Variants in EPB41L4B observed in about 807,000 individuals in gnomAD.
The protein encoded by EPB41L4B is band 4.1-like protein 4B.
In EPB41L4B, 30 loss-of-function variants were observed where a neutral mutation model predicts 112.5. The observed-to-expected ratio is 0.27, with a 90% CI of 0.20 to 0.36. The LOEUF (loss-of-function observed/expected upper bound fraction) is 0.36. Among genes scored for constraint, EPB41L4B ranks in the 10% least tolerant of loss-of-function variants. The pLI, the probability that EPB41L4B is intolerant of heterozygous loss-of-function variation, is 1.00. For missense variants in EPB41L4B, 1,024 were observed against 1,133.3 expected (o/e 0.90, Z 1.38); for synonymous variants, 408 against 439.7 (o/e 0.93, Z 0.90).
chr9:109,267,707 T>C (rs1212152766), intron 3 of EPB41L4B, among the ~76,000 whole-genome samples, 156 bp from the exon 4 acceptor site: 1 of 152,224 alleles, frequency 6.6e-6, no homozygotes, highest in Admixed American at 6.5e-5. Context: ...TTTTCAGTCC[T>C]CATCAGGGAA....
chr9:109,243,805 ACC>A (rs1834440575), intron 14 of EPB41L4B, 123 bp from the exon 15 acceptor site: 1 of 899,432 alleles, frequency 1.1e-6, no homozygotes, highest in Admixed American at 2.1e-5. Context: ...AAGGCTATAG[ACC>A]CTGGCTAGGG....
At chr9:109,239,901 T>A (rs1834294413) in intron 15 of EPB41L4B, 1 of 985,368 alleles carries the variant, frequency 1.0e-6, no homozygotes, top group Non-Finnish European at 1.2e-6. Context: ...CACTTCTCTC[T>A]ACTCAGCACC....
intron 22 of EPB41L4B, among the ~76,000 whole-genome samples, chr9:109,191,298 C>G (rs1832452335): frequency 6.6e-6 from 1 of 152,182 alleles, no homozygotes. Flanking sequence ...TCAAAGGATG[C>G]TTTATCCTGA....
intron 15 of EPB41L4B, chr9:109,241,084 T>G (rs1479199475): frequency 1.0e-6 from 1 of 985,534 alleles, no homozygotes; most frequent in Non-Finnish European, 1.2e-6. Context: ...TATTGCAGTT[T>G]TCCTTGTGAT....
chr9:109,262,574 T>C (rs1835252507), intron 6 of EPB41L4B, among the ~76,000 whole-genome samples: 1 of 152,024 alleles, frequency 6.6e-6, no homozygotes, highest in African/African-American at 2.4e-5. Context: ...CTCTGATCCC[T>C]TCTCCCCATA....
At chr9:109,218,435 T>C (rs1396418284) in intron 15 of EPB41L4B, among the ~76,000 whole-genome samples, 1 of 152,122 alleles carries the variant, frequency 6.6e-6, no homozygotes, top group Non-Finnish European at 1.5e-5. Flanking sequence ...CTAACACTAA[T>C]AATTCTTAAC....
chr9:109,248,027 A>C (rs796545887), intron 13 of EPB41L4B, among the ~76,000 whole-genome samples: 13 of 152,360 alleles, frequency 8.5e-5, no homozygotes, highest in African/African-American at 3.1e-4. Flanking sequence ...AAACAGTAGG[A>C]AATATTCCAG....
At chr9:109,187,268 G>A (rs538432266) in intron 22 of EPB41L4B, among the ~76,000 whole-genome samples, 2 of 152,164 alleles carry the variant, frequency 1.3e-5, no homozygotes, top group African/African-American at 2.4e-5. Flanking sequence ...CCTCTTTTCC[G>A]TCTCCAAAGT....
At chr9:109,239,936 C>G (rs773332769) in intron 15 of EPB41L4B, 3 of 985,394 alleles carry the variant, frequency 3.0e-6, no homozygotes, top group Non-Finnish European at 3.6e-6. Context: ...CAACCTTCAC[C>G]AGAGTTGCCC....
At chr9:109,199,396 CG>C (rs1488418050) in intron 20 of EPB41L4B, among the ~76,000 whole-genome samples, 1 of 152,042 alleles carries the variant, frequency 6.6e-6, no homozygotes, top group Non-Finnish European at 1.5e-5. Context: ...GGGCCAGGTG[CG>C]GTGGCTCACA....
At chr9:109,182,895 A>C (rs1279256579) in intron 23 of EPB41L4B, 98 bp from the exon 24 acceptor site, 1 of 840,718 alleles carries the variant, frequency 1.2e-6, no homozygotes, top group African/African-American at 1.7e-5. Flanking sequence ...CAAAGGATTC[A>C]GGGGTGCCCC....
intron 16 of EPB41L4B, 30 bp from the exon 17 acceptor site, chr9:109,213,848 G>C (rs1485117367): frequency 1.3e-6 from 2 of 1,586,610 alleles, no homozygotes; most frequent in African/African-American, 1.3e-5. Flanking sequence ...AATAAATAAG[G>C]AAAGGTTGAA....
intron 1 of EPB41L4B, among the ~76,000 whole-genome samples, chr9:109,297,900 A>AC (rs1310275589): frequency 1.3e-5 from 2 of 152,222 alleles, no homozygotes; most frequent in African/African-American, 4.8e-5. Flanking sequence ...AAGCACATGA[A>AC]CTTTTTTCCT....
intron 1 of EPB41L4B, among the ~76,000 whole-genome samples, chr9:109,285,959 C>T (rs2119159039): frequency 6.6e-6 from 1 of 152,238 alleles, no homozygotes; most frequent in East Asian, 1.9e-4. Context: ...ACTCATCACA[C>T]TGTACTGCAG....
At chr9:109,227,149 T>C (rs1389670970) in intron 15 of EPB41L4B, among the ~76,000 whole-genome samples, 1 of 152,140 alleles carries the variant, frequency 6.6e-6, no homozygotes, top group Admixed American at 6.5e-5. Flanking sequence ...CTTCATACTT[T>C]TATTGTTCTA....
At chr9:109,319,710 C>A (rs972189917) in intron 1 of EPB41L4B, among the ~76,000 whole-genome samples, 1 of 152,184 alleles carries the variant, frequency 6.6e-6, no homozygotes, top group Non-Finnish European at 1.5e-5. Flanking sequence ...AAGCTGGACA[C>A]CCCAGGACGG....
chr9:109,273,909 TC>T (rs1304390016), intron 2 of EPB41L4B, among the ~76,000 whole-genome samples: 1 of 152,172 alleles, frequency 6.6e-6, no homozygotes, highest in Non-Finnish European at 1.5e-5. Context: ...TATAATTACA[TC>T]TGAGATGGCA....
intron 15 of EPB41L4B, among the ~76,000 whole-genome samples, chr9:109,238,054 A>C (rs1834212415): frequency 6.6e-6 from 1 of 152,084 alleles, no homozygotes; most frequent in Non-Finnish European, 1.5e-5. Context: ...TGTGGTTGAG[A>C]CCATAGGCTC....
chr9:109,309,747 TAC>T (rs200405976), intron 1 of EPB41L4B, among the ~76,000 whole-genome samples: 32 of 135,584 alleles, frequency 2.4e-4, no homozygotes, highest in African/African-American at 5.8e-4. Flanking sequence ...TATTAAGAAA[TAC>T]ACACACAGAG....
Sources: allele counts gnomAD v4.1 joint callset (sites outside exome capture counted in the v4.1 genomes callset), GRCh38; gene constraint gnomAD v4.1.1; transcripts MANE v1.5; gene names NCBI Gene and HGNC (gene_info 2026-07-23, HGNC 2026-07-21).